The following PCDH18 variants were observed in gnomAD, a reference collection of about 807,000 sequenced individuals.
The protein encoded by PCDH18 is protocadherin-18.
In PCDH18, 38 loss-of-function variants were observed where a neutral mutation model predicts 71.5. The observed-to-expected ratio is 0.53, with a 90% CI of 0.41 to 0.70. PCDH18 has a LOEUF of 0.70. PCDH18 is among the 30% of genes least tolerant of loss of function. PCDH18 has a pLI of 0.00. For synonymous variants in PCDH18, 565 were observed against 505.4 expected, an observed-to-expected ratio of 1.12 and a Z score of -1.58; for missense variants, 1,334 against 1,384.6, an observed-to-expected ratio of 0.96 and a Z score of 0.58.
At chr4:137,527,781 A>C (rs1245794565) in intron 3 of PCDH18, among the ~76,000 whole-genome samples, 1 of 152,186 alleles carries the variant, frequency 6.6e-6, no homozygotes, top group Admixed American at 6.5e-5. Context: ...TAGTCAGTTC[A>C]GAGAGTTCCT....
In PCDH18 at chr4:137,531,627, A is replaced by G. The variant is rs748905552; in HGVS notation, c.462T>C (p.Thr154=). 29 of 1,613,966 alleles carry G rather than the reference A, an allele frequency of 1.8e-5. No individual in the cohort carries two copies. The highest frequency in any genetic ancestry group is 3.3e-4 in the Middle Eastern group (2 of 6,060). The change falls in exon 1 of 4, where the codon ACT becomes ACC. Residue 154 remains threonine, a synonymous_variant. Coordinates refer to ENST00000344876, the MANE Select transcript of PCDH18 (RefSeq NM_019035.5). The part of the protein sequence containing the change: ...IEISESAAVG[T]RIPLDSAFDP... ...CAAATGCACTGTCCAGGGGAATGCG[A>G]GTCCCAACTGCTGCACTCTCAGATA... is the stretch of plus-strand genomic sequence containing the variant.
intron 1 of PCDH18, 129 bp downstream of exon 1, chr4:137,529,473 T>G (rs991439734): frequency 8.2e-6 from 5 of 612,878 alleles, no homozygotes; most frequent in Non-Finnish European, 8.4e-6. Context: ...CAATGTAACT[T>G]GTATCCTACT....
chr4:137,532,155 T>C lies in PCDH18; in HGVS notation c.-67A>G, dbSNP rs893579742. The C allele has an allele frequency of 1.6e-6, 2 of 1,237,468 alleles. No homozygotes were observed. The highest frequency in any genetic ancestry group is 3.0e-5 in the African/African-American group (2 of 67,792). The allele number at this position is 1,237,468 out of a possible 1,614,324, so 76.7% of individuals were successfully genotyped here. ...AGCAAAGCAATTGCCTCAACTTCCT[T>C]TGGCAACGTAAAGCTACATTTGGTA... On this transcript the variant is annotated 5_prime_UTR_variant, in exon 1 of 4. Coordinates refer to ENST00000344876, the MANE Select transcript of PCDH18 (RefSeq NM_019035.5).
intron 3 of PCDH18, among the ~76,000 whole-genome samples, chr4:137,522,070 G>C (rs1731317903): frequency 6.6e-6 from 1 of 152,152 alleles, no homozygotes; most frequent in Admixed American, 6.5e-5. Flanking sequence ...TATAACTTTA[G>C]AATGCCACCC....
Position 137,529,485 on chromosome 4 carries a change from A to G in PCDH18, c.2487+117T>C. On this transcript the variant is annotated intron_variant, in intron 1 of 3. Coordinates refer to ENST00000344876, the MANE Select transcript of PCDH18 (RefSeq NM_019035.5). ...TCACAATGTAACTTGTATCCTACTT[A>G]ATTTGCACAGTATTAGTATTGTTAC... 4.6e-6 allele frequency: 3 copies of G among 648,086 alleles called. No homozygotes were observed. In the South Asian group the frequency reaches 7.9e-5, roughly 17 times the overall value. 40.1% of individuals were successfully genotyped at this position (648,086 alleles called of 1,614,324 possible). A position where few individuals can be genotyped will look rare whatever the true frequency, so the allele number is the denominator to read the frequency against.
rs777265835 is a variant in PCDH18, at chr4:137,531,744, T to C, written c.345A>G (p.Thr115=). 6.2e-7 allele frequency: 1 copy of C among 1,614,086 alleles called. No homozygotes were observed. Among genetic ancestry groups the C allele is most frequent in the Admixed American group, 1.7e-5 (1 of 60,022 alleles). Reference sequence around the variant, plus strand: ...CAATATGGAAAAGCTGCAGATGCTCTGTGGGTAGAGTGATCACATCAAACT... The same window carrying C: ...CAATATGGAAAAGCTGCAGATGCTCCGTGGGTAGAGTGATCACATCAAACT... ...SIEFDVITLP[T]EHLQLFHIEV... Residue 115 remains threonine, a synonymous_variant, in exon 1 of 4, where the codon ACA becomes ACG. Transcript: ENST00000344876.
chr4:137,523,769 T>A (rs1180909111), intron 3 of PCDH18, among the ~76,000 whole-genome samples: 7 of 152,208 alleles, frequency 4.6e-5, no homozygotes, highest in Admixed American at 4.6e-4. Flanking sequence ...TAATGCAATC[T>A]GAAAGTTCAT....
chr4:137,529,871 C>A lies in PCDH18; in HGVS notation c.2218G>T (p.Glu740Ter). 6.2e-7 allele frequency: 1 copy of A among 1,613,480 alleles called. No individual in the cohort carries two copies. Among genetic ancestry groups the A allele is most frequent in the East Asian group, 2.2e-5 (1 of 44,842 alleles). ...DTRSYNCRVA[E>*]STYQHHPKRP... The stretch of plus-strand genomic sequence containing the variant: ...TTTGGGTGGTGCTGGTAAGTTGATT[C>A]GGCCACCCTGCAGTTATAGGATCTA... The change falls in exon 1 of 4, where the codon GAA (glutamate) becomes TAA (stop). Residue 740 changes from glutamate (E) to a stop codon, truncating the protein, a stop_gained. Coordinates refer to ENST00000344876, the MANE Select transcript of PCDH18 (RefSeq NM_019035.5). LOFTEE classifies it high-confidence loss of function.
At chr4:137,524,439 C>A (rs116736614) in intron 3 of PCDH18, among the ~76,000 whole-genome samples, 1 of 151,938 alleles carries the variant, frequency 6.6e-6, no homozygotes, top group African/African-American at 2.4e-5. Flanking sequence ...CAAGTGACAT[C>A]GTAAACACAG....
intron 3 of PCDH18, among the ~76,000 whole-genome samples, chr4:137,522,507 A>G (rs1731330793): frequency 6.6e-6 from 1 of 152,166 alleles, no homozygotes; most frequent in Admixed American, 6.5e-5. Flanking sequence ...TGGCAAATAC[A>G]ATAACTAAGC....
rs1250183394 is a variant in PCDH18, at chr4:137,530,620, G to A, written c.1469C>T (p.Thr490Ile). 1.9e-6 allele frequency: 3 copies of A among 1,613,980 alleles called. No individual in the cohort carries two copies. Among genetic ancestry groups the A allele is most frequent in the Non-Finnish European group, 1.7e-6 (2 of 1,180,020 alleles). Residue 490 changes from threonine (T) to isoleucine (I), a missense_variant, in exon 1 of 4, where the codon ACA (threonine) becomes ATA (isoleucine). Thr to Ile is a moderately conservative substitution (Grantham distance 89). Coordinates refer to ENST00000344876, the MANE Select transcript of PCDH18 (RefSeq NM_019035.5). ...CCCATTTTCTCCAAGATCAGGATCTGTGGCTGTAACAGTGGTGATATATGC... is the reference window on the plus strand; with the variant it reads ...CCCATTTTCTCCAAGATCAGGATCTATGGCTGTAACAGTGGTGATATATGC... ...PGAYITTVTA[T>I]DPDLGENGQV...
chr4:137,526,574 C>G (rs1300340995), intron 3 of PCDH18, among the ~76,000 whole-genome samples: 1 of 152,012 alleles, frequency 6.6e-6, no homozygotes, highest in Non-Finnish European at 1.5e-5. Context: ...TCAAGAAAGT[C>G]TATGCATTAA....
rs1731248470 is a variant in PCDH18, at chr4:137,520,185, A to C, written c.*844T>G. ...GTAATATTTTATGCCATTAGAACAC[A>C]TACTGTTATCCATTTAAAGGACAGA... is the stretch of plus-strand genomic sequence containing the variant. On this transcript the variant is annotated 3_prime_UTR_variant, in exon 4 of 4. Transcript: ENST00000344876. 1 of 152,634 alleles carries C rather than the reference A, an allele frequency of 6.6e-6. No homozygotes were observed. The highest frequency in any genetic ancestry group is 1.5e-5 in the Non-Finnish European group (1 of 68,036). The allele number at this position is 152,634 out of a possible 1,614,324, so 9.5% of individuals were successfully genotyped here.
chr4:137,530,767 C>T lies in PCDH18; in HGVS notation c.1322G>A (p.Gly441Glu). ...TTTCACTGTAGAGAGACTGGGTGTC[C>T]CCCTGTCCTCAGCGATTACAGTCAA... Reference protein sequence around the residue: ...YSLTVIAEDRGTPSLSTVKHF... With the variant: ...YSLTVIAEDRETPSLSTVKHF... The change falls in exon 1 of 4, where the codon GGG becomes GAG. Residue 441 changes from glycine (G) to glutamate (E), a missense_variant. Transcript: ENST00000344876. 1 of 1,612,184 alleles carries T rather than the reference C, an allele frequency of 6.2e-7. No homozygotes were observed.
rs772553142 is a variant in PCDH18 at position 137,521,510 on chromosome 4, G to C, written c.2927C>G (p.Ser976Cys). ...GGAAAAACTCTTCTTCTTTTCACCGGAATCTGCAGGCTGAGCGTCATCCTC... is the reference window on the plus strand; with the variant it reads ...GGAAAAACTCTTCTTCTTTTCACCGCAATCTGCAGGCTGAGCGTCATCCTC... ...SLEDDAQPAD[S>C]GEKKKSFSTF... The change falls in exon 4 of 4, where the codon TCC becomes TGC. Residue 976 changes from serine (S) to cysteine (C), a missense_variant. By Grantham distance (112) the Ser-to-Cys change is moderately radical (BLOSUM62 -1). Around this residue, in one of 3 missense-constraint regions of PCDH18, gnomAD observed 319 missense variants for 316.3 expected, o/e 1.01. Coordinates refer to ENST00000344876, the MANE Select transcript of PCDH18 (RefSeq NM_019035.5). The C allele has an allele frequency of 5.6e-6, 9 of 1,614,042 alleles. No homozygotes were observed. The highest frequency in any genetic ancestry group is 1.7e-6 in the Non-Finnish European group (2 of 1,180,040).
chr4:137,521,628 G>T lies in PCDH18; in HGVS notation c.2809C>A (p.Pro937Thr). The T allele has an allele frequency of 1.2e-6, 2 of 1,612,836 alleles. No individual in the cohort carries two copies. The highest frequency in any genetic ancestry group is 8.5e-7 in the Non-Finnish European group (1 of 1,179,722). ...HSDQCWMPPL[P>T]SPSSDYRSNM... ...CTCCTATAATCAGAAGACGGTGAGG[G>T]CAGTGGTGGCATCCAGCACTGGTCA... Residue 937 changes from proline (P) to threonine (T), a missense_variant, in exon 4 of 4, where the codon CCC becomes ACC. Pro to Thr is a conservative substitution (Grantham distance 38, BLOSUM62 -1). This residue lies in a region of PCDH18 where 319 missense variants were observed against 316.3 expected (regional missense o/e 1.01). Coordinates refer to ENST00000344876, the MANE Select transcript of PCDH18 (RefSeq NM_019035.5).
chr4:137,524,364 G>T (rs933085456), intron 3 of PCDH18, among the ~76,000 whole-genome samples: 6 of 152,118 alleles, frequency 3.9e-5, no homozygotes, highest in Non-Finnish European at 8.8e-5. Flanking sequence ...TGCTGCATGT[G>T]AAGTGCAACA....
At chr4:137,526,866 G>A (rs1731478564) in intron 3 of PCDH18, among the ~76,000 whole-genome samples, 1 of 151,308 alleles carries the variant, frequency 6.6e-6, no homozygotes, top group Non-Finnish European at 1.5e-5. Context: ...GTTTAAGAGT[G>A]CAGGGATTGG....
chr4:137,529,237 C>T (rs1046493250), intron 1 of PCDH18: 11 of 245,638 alleles, frequency 4.5e-5, no homozygotes, highest in Admixed American at 3.9e-4. Flanking sequence ...AGTCTGAAGG[C>T]CTCAGTTTTT....
Sources: gnomAD v4.1 joint callset for allele counts (sites outside exome capture counted in the v4.1 genomes callset) on GRCh38, gnomAD v4.1.1 for gene constraint, gnomAD v4.1.1 regional missense constraint, MANE v1.5 for transcripts, NCBI Gene and HGNC (gene_info 2026-07-23, HGNC 2026-07-21) for gene names.